PGPEP1L: variants seen among roughly 807,000 people sequenced by gnomAD.
PGPEP1L encodes the protein pyroglutamyl-peptidase I like, also known as pyroglutamyl-peptidase 1-like protein.
In PGPEP1L, 7 loss-of-function variants were observed where a neutral mutation model predicts 6.0. That is an observed-to-expected ratio of 1.17 (90% CI 0.66 to 2.19). The LOEUF is 2.19. Ranked by LOEUF, PGPEP1L falls within the 30% of genes most tolerant of loss-of-function variation. PGPEP1L has a pLI of 0.00. For missense variants in PGPEP1L, 209 were observed against 192.5 expected (o/e 1.09, Z -0.51); for synonymous variants, 103 against 83.9 (o/e 1.23, Z -1.24).
intron 2 of PGPEP1L, among the ~76,000 whole-genome samples, chr15:98,986,821 T>G (rs2017753372): frequency 1.3e-5 from 2 of 152,154 alleles, no homozygotes; most frequent in South Asian, 4.1e-4. Flanking sequence ...GAGACTAACA[T>G]AATAATAATC....
chr15:98,971,517 A>C (rs1200128101), intron 2 of PGPEP1L, among the ~76,000 whole-genome samples: 1 of 152,086 alleles, frequency 6.6e-6, no homozygotes, highest in Non-Finnish European at 1.5e-5. Flanking sequence ...GAAAAGAAAA[A>C]TCCAAAGTGT....
chr15:98,977,639 TGA>T lies in PGPEP1L; in HGVS notation c.-141-6483_-141-6482del, dbSNP rs139309390. On this transcript the variant is annotated intron_variant, in intron 2 of 4. Coordinates refer to ENST00000535714, the MANE Select transcript of PGPEP1L (RefSeq NM_001167902.2). ...TTGGCAAACACTGCATATGCACATA[TGA>T]GAGTGTGTTCCATGCTGGGTGGAGT... 2.5e-3 allele frequency among the ~76,000 whole-genome samples: 377 copies of T among 152,292 alleles called. 2 individuals carry two copies. Among genetic ancestry groups the T allele is most frequent in the African/African-American group, 8.5e-3 (354 of 41,568 alleles).
At chr15:98,975,624 T>C (rs1372654792) in intron 2 of PGPEP1L, among the ~76,000 whole-genome samples, 1 of 152,218 alleles carries the variant, frequency 6.6e-6, no homozygotes, top group African/African-American at 2.4e-5. Flanking sequence ...CTCACGCCTG[T>C]AATCCCAGCA....
At chr15:99,005,249 ATTGT>A (rs1314275657) in intron 2 of PGPEP1L, among the ~76,000 whole-genome samples, 176 bp downstream of exon 2, 2 of 151,986 alleles carry the variant, frequency 1.3e-5, no homozygotes, top group Non-Finnish European at 2.9e-5. Context: ...TGTGATCCTG[ATTGT>A]TTATTAATAG....
At chr15:99,004,725 A>G (rs556936649) in intron 2 of PGPEP1L, among the ~76,000 whole-genome samples, 231 of 152,248 alleles carry the variant, frequency 1.5e-3, no homozygotes, top group African/African-American at 5.0e-3. Flanking sequence ...TCAAAAAAAA[A>G]TTAATAAAAA....
chr15:99,002,231 G>T (rs1274568610), intron 2 of PGPEP1L, among the ~76,000 whole-genome samples: 1 of 152,036 alleles, frequency 6.6e-6, no homozygotes, highest in Admixed American at 6.6e-5. Flanking sequence ...CCTGGTCTCA[G>T]GTGATCTGCC....
chr15:99,000,589 G>C (rs2017951599), intron 2 of PGPEP1L, among the ~76,000 whole-genome samples: 1 of 152,136 alleles, frequency 6.6e-6, no homozygotes, highest in South Asian at 2.1e-4. Context: ...TCTAGCTCAG[G>C]GTTTGTGAAT....
intron 2 of PGPEP1L, among the ~76,000 whole-genome samples, chr15:99,004,332 C>A (rs4966056): frequency 2.7e-5 from 4 of 150,306 alleles, no homozygotes; most frequent in Admixed American, 1.3e-4. Context: ...TTACTTGAGC[C>A]CAGGAGTTTG....
chr15:98,981,033 T>A (rs2017651293), intron 2 of PGPEP1L, among the ~76,000 whole-genome samples: 1 of 152,146 alleles, frequency 6.6e-6, no homozygotes, highest in Non-Finnish European at 1.5e-5. Flanking sequence ...GCTGTCACAC[T>A]GATACTGTGT....
intron 2 of PGPEP1L, among the ~76,000 whole-genome samples, chr15:98,984,878 C>T (rs995172944): frequency 2.6e-5 from 4 of 151,950 alleles, no homozygotes; most frequent in Non-Finnish European, 4.4e-5. Flanking sequence ...ATAGCAAGGA[C>T]GGTGGAGAAG....
chr15:98,969,020 A>T (rs1343242065), intron 4 of PGPEP1L, among the ~76,000 whole-genome samples: 1 of 152,234 alleles, frequency 6.6e-6, no homozygotes, highest in Admixed American at 6.5e-5. Context: ...GGAAAGGGGA[A>T]AAACCACCTA....
chr15:98,971,211 T>A lies in PGPEP1L; in HGVS notation c.-141-53A>T, dbSNP rs200402600. The A allele has an allele frequency of 1.1e-3, 266 of 237,506 alleles. 5 individuals are homozygous for A. The African/African-American group carries it at 0.022, about 20-fold the overall frequency. 14.7% of individuals were successfully genotyped at this position (237,506 alleles called of 1,614,324 possible). On this transcript the variant is annotated intron_variant, in intron 2 of 4. Transcript: ENST00000535714. ...TCAGTTGATGGGGGGGGGGGGGGGGTGGGCACCAAGAGTCCCTGAAAACCC... is the reference window on the plus strand; with the variant it reads ...TCAGTTGATGGGGGGGGGGGGGGGGAGGGCACCAAGAGTCCCTGAAAACCC...
chr15:98,979,028 A>G (rs8039419), intron 2 of PGPEP1L, among the ~76,000 whole-genome samples: 134,875 of 151,194 alleles, frequency 0.89, 60,474 homozygotes, highest in South Asian at 0.94. Context: ...GCGCCTGGCT[A>G]CAGGATATAT....
intron 2 of PGPEP1L, among the ~76,000 whole-genome samples, chr15:98,983,856 G>A (rs139626051): frequency 1.9e-3 from 290 of 152,040 alleles, no homozygotes; most frequent in African/African-American, 6.7e-3. Flanking sequence ...TCCCATTCAT[G>A]AGCAACCACA....
intron 2 of PGPEP1L, among the ~76,000 whole-genome samples, chr15:98,985,243 G>T (rs2017730695): frequency 6.6e-6 from 1 of 152,134 alleles, no homozygotes; most frequent in Non-Finnish European, 1.5e-5. Context: ...TTTCTACTAA[G>T]TTTTAAACCC....
intron 2 of PGPEP1L, among the ~76,000 whole-genome samples, chr15:98,973,608 G>A (rs1253031345): frequency 6.6e-6 from 1 of 152,194 alleles, no homozygotes; most frequent in Non-Finnish European, 1.5e-5. Flanking sequence ...CCTGGACAAT[G>A]AATGAGCCAG....
At chr15:98,990,190 T>C (rs2663109) in intron 2 of PGPEP1L, among the ~76,000 whole-genome samples, 137,991 of 152,134 alleles carry the variant, frequency 0.91, 62,753 homozygotes, top group South Asian at 0.95. Context: ...GACTGGCAAA[T>C]TGGATAAAGA....
chr15:98,989,099 G>A (rs1449193168), intron 2 of PGPEP1L, among the ~76,000 whole-genome samples: 1 of 152,142 alleles, frequency 6.6e-6, no homozygotes, highest in African/African-American at 2.4e-5. Flanking sequence ...ACAGCTCCTT[G>A]CCAGCAAGGG....
intron 2 of PGPEP1L, among the ~76,000 whole-genome samples, chr15:98,983,199 C>T (rs1305833847): frequency 1.3e-5 from 2 of 150,818 alleles, no homozygotes; most frequent in Admixed American, 6.6e-5. Context: ...AATTTTCTTT[C>T]ACTTGGAAAG....
Sources: gnomAD v4.1 joint callset for allele counts (sites outside exome capture counted in the v4.1 genomes callset) on GRCh38, gnomAD v4.1.1 for gene constraint, MANE v1.5 for transcripts, NCBI Gene and HGNC (gene_info 2026-07-23, HGNC 2026-07-21) for gene names.